Variants in SLC45A2 observed in about 807,000 individuals in gnomAD.
SLC45A2 encodes membrane-associated transporter protein.
SLC45A2 carries 36 observed loss-of-function variants against 45.5 expected under a neutral mutation model. The observed-to-expected ratio is 0.79, with a 90% CI of 0.61 to 1.04. The LOEUF (loss-of-function observed/expected upper bound fraction) is 1.04. SLC45A2 is among the 50% of genes least tolerant of loss of function. The probability of loss-of-function intolerance (pLI) is 0.00; values close to 1 mark genes in which losing one functional copy is unlikely to be tolerated. For synonymous variants in SLC45A2, 306 were observed against 269.3 expected, an observed-to-expected ratio of 1.14 and a Z score of -1.33; for missense variants, 719 against 671.0, an observed-to-expected ratio of 1.07 and a Z score of -0.79.
chr5:33,981,231 C>T (rs928368748), intron 2 of SLC45A2, among the ~76,000 whole-genome samples: 2 of 152,196 alleles, frequency 1.3e-5, no homozygotes, highest in Non-Finnish European at 2.9e-5. Flanking sequence ...AACTGTGCTC[C>T]AACGGCCTCA....
intron 3 of SLC45A2, among the ~76,000 whole-genome samples, chr5:33,961,128 G>A (rs1269653650): frequency 6.6e-6 from 1 of 152,100 alleles, no homozygotes; most frequent in Admixed American, 6.6e-5. Context: ...GAATGCACAA[G>A]TGAATGAACC....
At chr5:33,956,013 G>T (rs551232275) in intron 3 of SLC45A2, among the ~76,000 whole-genome samples, 15 of 126,566 alleles carry the variant, frequency 1.2e-4, no homozygotes, top group African/African-American at 3.8e-4. Flanking sequence ...GAAGGAACCA[G>T]ATGGTGTTAA....
rs376448009 is a variant in SLC45A2, at chr5:33,964,033, G to T, written c.563-17C>A. The T allele has an allele frequency of 1.9e-5, 30 of 1,611,948 alleles. No homozygotes were observed. Among genetic ancestry groups the T allele is most frequent in the Non-Finnish European group, 2.5e-5 (30 of 1,178,738 alleles). ...CTCCAAAACCTGGAAAGCAAGAAAAGCTATGTTAGCATATTTAGCAAATTA... is the reference window on the plus strand; with the variant it reads ...CTCCAAAACCTGGAAAGCAAGAAAATCTATGTTAGCATATTTAGCAAATTA... On this transcript the variant is annotated splice_polypyrimidine_tract_variant and intron_variant, in intron 2 of 6. Coordinates refer to ENST00000296589, the MANE Select transcript of SLC45A2 (RefSeq NM_016180.5).
chr5:33,950,782 CAGA>C (rs1752073738), intron 5 of SLC45A2, among the ~76,000 whole-genome samples: 1 of 152,206 alleles, frequency 6.6e-6, no homozygotes. Flanking sequence ...TACAATCTTG[CAGA>C]AGAAGAGCTC....
chr5:33,969,553 G>A (rs1228383530), intron 2 of SLC45A2, among the ~76,000 whole-genome samples: 1 of 152,208 alleles, frequency 6.6e-6, no homozygotes, highest in East Asian at 1.9e-4. Context: ...GTAGAGAGCA[G>A]AGAAATAAGA....
At chr5:33,963,106 C>T (rs1235104802) in intron 3 of SLC45A2, among the ~76,000 whole-genome samples, 4 of 152,126 alleles carry the variant, frequency 2.6e-5, no homozygotes, top group African/African-American at 7.2e-5. Context: ...ATTTAAATAG[C>T]CCCACGGGAT....
At chr5:33,962,415 T>A (rs956608906) in intron 3 of SLC45A2, among the ~76,000 whole-genome samples, 3 of 152,208 alleles carry the variant, frequency 2.0e-5, no homozygotes, top group African/African-American at 2.4e-5. Flanking sequence ...ATCCTAATAA[T>A]CCTAGAAAAT....
chr5:33,966,464 C>T (rs796922466), intron 2 of SLC45A2, among the ~76,000 whole-genome samples: 1 of 127,852 alleles, frequency 7.8e-6, no homozygotes, highest in Admixed American at 8.9e-5. Context: ...GACGGAGTCT[C>T]GCTCTGTCGC....
chr5:33,966,583 G>A (rs534648288), intron 2 of SLC45A2, among the ~76,000 whole-genome samples: 1 of 152,134 alleles, frequency 6.6e-6, no homozygotes, highest in South Asian at 2.1e-4. Context: ...TGGGACTACA[G>A]GCGCCCGCCA....
intron 1 of SLC45A2, 148 bp from the exon 2 acceptor site, chr5:33,982,560 C>G: frequency 1.2e-6 from 1 of 812,420 alleles, no homozygotes; most frequent in East Asian, 2.7e-5. Context: ...CATTTTTTTT[C>G]AGGTTTTAAA....
At chr5:33,981,385 G>A (rs1489476638) in intron 2 of SLC45A2, among the ~76,000 whole-genome samples, 1 of 152,174 alleles carries the variant, frequency 6.6e-6, no homozygotes, top group Non-Finnish European at 1.5e-5. Context: ...GGACCTACCT[G>A]GCCATGGAAG....
At chr5:33,948,091 G>A (rs1309760249) in intron 5 of SLC45A2, among the ~76,000 whole-genome samples, 1 of 152,130 alleles carries the variant, frequency 6.6e-6, no homozygotes, top group Non-Finnish European at 1.5e-5. Context: ...CCATCTTTTG[G>A]AGTTGTTGCC....
At position 33,947,194 on chromosome 5, in the gene SLC45A2, A is replaced by G. The variant is rs1489293611; in HGVS notation, c.1337T>C (p.Ile446Thr). Reference sequence around the variant, plus strand: ...TTCTTCCTCGCGGTGGTACTCAGTAATGAGGTTAAAGGGCACAGTGTACAG... The same window carrying G: ...TTCTTCCTCGCGGTGGTACTCAGTAGTGAGGTTAAAGGGCACAGTGTACAG... The part of the protein sequence containing the change: ...STLYTVPFNL[I>T]TEYHREEEKE... Residue 446 changes from isoleucine to threonine, a missense_variant, in exon 6 of 7, where the codon ATT (isoleucine) becomes ACT (threonine). Coordinates refer to ENST00000296589, the MANE Select transcript of SLC45A2 (RefSeq NM_016180.5). The G allele has an allele frequency of 6.2e-7, 1 of 1,614,218 alleles. No individual in the cohort carries two copies. Among genetic ancestry groups the G allele is most frequent in the Non-Finnish European group, 8.5e-7 (1 of 1,180,044 alleles).
intron 3 of SLC45A2, among the ~76,000 whole-genome samples, chr5:33,960,141 T>C (rs1752406595): frequency 1.3e-5 from 2 of 152,184 alleles, no homozygotes. Context: ...AGCTCTACTT[T>C]CAGTTCTTTC....
At chr5:33,945,096 T>C (rs1751882889) in intron 6 of SLC45A2, among the ~76,000 whole-genome samples, 1 of 152,232 alleles carries the variant, frequency 6.6e-6, no homozygotes, top group Non-Finnish European at 1.5e-5. Flanking sequence ...TTATTAGCAT[T>C]TGATTTCATG....
chr5:33,948,570 C>T (rs1481526484), intron 5 of SLC45A2, among the ~76,000 whole-genome samples: 2 of 152,220 alleles, frequency 1.3e-5, no homozygotes, highest in Non-Finnish European at 2.9e-5. Flanking sequence ...AAACTAAACA[C>T]TCTCACACTG....
In SLC45A2 at chr5:33,968,123, A is replaced by C. The variant is rs73077137; in HGVS notation, c.563-4107T>G. Among the ~76,000 whole-genome samples, 939 of 152,268 alleles carry C rather than the reference A, an allele frequency of 6.2e-3. 9 individuals carry two copies. Among genetic ancestry groups the C allele is most frequent in the African/African-American group, 0.022 (896 of 41,548 alleles). On this transcript the variant is annotated intron_variant, in intron 2 of 6. Coordinates refer to ENST00000296589, the MANE Select transcript of SLC45A2 (RefSeq NM_016180.5). Reference sequence around the variant, plus strand: ...ACAGAATATTAAGACACTGGAAAAAAATATTTAAACTTTATCTATTTGCTG... The same window carrying C: ...ACAGAATATTAAGACACTGGAAAAACATATTTAAACTTTATCTATTTGCTG...
intron 3 of SLC45A2, among the ~76,000 whole-genome samples, chr5:33,958,289 T>C (rs1752336946): frequency 6.6e-6 from 1 of 152,164 alleles, no homozygotes. Flanking sequence ...GAAAAATTTG[T>C]TCTTAAATTA....
At chr5:33,946,665 C>A in intron 6 of SLC45A2, 1 of 1,024,486 alleles carries the variant, frequency 9.8e-7, no homozygotes, top group African/African-American at 1.7e-5. Flanking sequence ...GTCTGACTTA[C>A]TAAAATCTGG....
Sources: gnomAD v4.1 joint callset for allele counts (sites outside exome capture counted in the v4.1 genomes callset) on GRCh38, gnomAD v4.1.1 for gene constraint, MANE v1.5 for transcripts, NCBI Gene and HGNC (gene_info 2026-07-23, HGNC 2026-07-21) for gene names.